The following KCND3 variants were observed in gnomAD, a reference collection of about 807,000 sequenced individuals.
The protein encoded by KCND3 is A-type voltage-gated potassium channel KCND3.
Under a neutral mutation model 51.1 loss-of-function variants are expected in KCND3, and 9 were observed. That is an observed-to-expected ratio of 0.18 (90% CI 0.11 to 0.31). The LOEUF is 0.31. Ranked by LOEUF, KCND3 falls within the 10% of genes least tolerant of loss-of-function variation. The probability of loss-of-function intolerance (pLI) is 1.00; values close to 1 mark genes in which losing one functional copy is unlikely to be tolerated. For synonymous variants in KCND3, 349 were observed against 368.0 expected (o/e 0.95, Z 0.59); for missense variants, 526 against 903.8 (o/e 0.58, Z 5.36).
intron 2 of KCND3, among the ~76,000 whole-genome samples, chr1:111,853,552 C>T (rs1667917818): frequency 1.3e-5 from 2 of 152,164 alleles, no homozygotes; most frequent in African/African-American, 2.4e-5. Context: ...ATCACAAAGC[C>T]CACCCCGGCA....
At chr1:111,930,607 C>CT (rs1671920140) in intron 2 of KCND3, among the ~76,000 whole-genome samples, 1 of 97,652 alleles carries the variant, frequency 1.0e-5, no homozygotes, top group Non-Finnish European at 2.4e-5. Flanking sequence ...GGTGCCACCC[C>CT]CAACCCCCTT....
chr1:111,936,913 T>C (rs558215444), intron 2 of KCND3, among the ~76,000 whole-genome samples: 1 of 152,334 alleles, frequency 6.6e-6, no homozygotes, highest in East Asian at 1.9e-4. Context: ...TTGAATGAAA[T>C]GGCTAATGAA....
chr1:111,824,925 G>A (rs1162591127), intron 2 of KCND3, among the ~76,000 whole-genome samples: 1 of 152,166 alleles, frequency 6.6e-6, no homozygotes, highest in Non-Finnish European at 1.5e-5. Context: ...TTGCAGCCCT[G>A]AATAAAGCCT....
chr1:111,789,896 T>TGGTGTGGATAGC (rs1553237674), intron 2 of KCND3, among the ~76,000 whole-genome samples: 1 of 152,154 alleles, frequency 6.6e-6, no homozygotes, highest in Non-Finnish European at 1.5e-5. Flanking sequence ...TGGAGGAGTG[T>TGGTGTGGATAGC]GGTGTGGATA....
intron 2 of KCND3, among the ~76,000 whole-genome samples, chr1:111,934,671 G>A (rs1319862695): frequency 2.0e-5 from 3 of 152,216 alleles, no homozygotes; most frequent in African/African-American, 7.2e-5. Context: ...GTGCATGTGT[G>A]TGCGTACTCT....
chr1:111,831,158 G>A (rs936770498), intron 2 of KCND3, among the ~76,000 whole-genome samples: 9 of 151,732 alleles, frequency 5.9e-5, no homozygotes, highest in Non-Finnish European at 1.3e-4. Flanking sequence ...AATTGATGAA[G>A]GTAAGACTCT....
chr1:111,970,281 C>A (rs1227727429), intron 2 of KCND3, among the ~76,000 whole-genome samples: 2 of 152,058 alleles, frequency 1.3e-5, no homozygotes, highest in Admixed American at 1.3e-4. Context: ...CCTCCCAATC[C>A]TTCTCATTTT....
intron 2 of KCND3, among the ~76,000 whole-genome samples, chr1:111,917,480 G>A (rs146979064): frequency 9.2e-5 from 14 of 152,264 alleles, no homozygotes; most frequent in Middle Eastern, 6.8e-3. Flanking sequence ...ATTACAGAAC[G>A]GAACTGAGAT....
chr1:111,781,099 G>C (rs1664363856), intron 3 of KCND3, among the ~76,000 whole-genome samples: 1 of 152,176 alleles, frequency 6.6e-6, no homozygotes, highest in African/African-American at 2.4e-5. Flanking sequence ...AAAATGCCAT[G>C]TGCTATTCAG....
chr1:111,793,857 A>G (rs1664946474), intron 2 of KCND3, among the ~76,000 whole-genome samples: 1 of 152,188 alleles, frequency 6.6e-6, no homozygotes, highest in Admixed American at 6.5e-5. Context: ...TTAAACCCAA[A>G]GCGTTATTTC....
At chr1:111,925,120 C>A (rs148078202) in intron 2 of KCND3, among the ~76,000 whole-genome samples, 31 of 152,366 alleles carry the variant, frequency 2.0e-4, no homozygotes, top group Middle Eastern at 3.4e-3. Flanking sequence ...AAAGAAGAAG[C>A]TGGCTGGCCT....
At chr1:111,925,778 G>T (rs896870866) in intron 2 of KCND3, among the ~76,000 whole-genome samples, 1 of 152,102 alleles carries the variant, frequency 6.6e-6, no homozygotes, top group African/African-American at 2.4e-5. Flanking sequence ...GAAAGCTGGG[G>T]TGTGGTGGTT....
intron 2 of KCND3, among the ~76,000 whole-genome samples, chr1:111,952,393 A>G (rs1673102639): frequency 1.3e-5 from 2 of 152,328 alleles, no homozygotes; most frequent in Admixed American, 1.3e-4. Context: ...AGGGTCTAGG[A>G]AAATGAAAAG....
intron 2 of KCND3, among the ~76,000 whole-genome samples, chr1:111,857,637 G>C (rs1370496305): frequency 7.3e-5 from 11 of 151,392 alleles, no homozygotes; most frequent in African/African-American, 2.4e-4. Flanking sequence ...TCTCCTCTCT[G>C]TTCCTGTTAG....
At chr1:111,781,572 T>A (rs2101474243) in intron 3 of KCND3, among the ~76,000 whole-genome samples, 1 of 152,336 alleles carries the variant, frequency 6.6e-6, no homozygotes, top group Non-Finnish European at 1.5e-5. Flanking sequence ...CAGGCTGGTG[T>A]GCAGTAGCGT....
chr1:111,835,808 G>A (rs916219125), intron 2 of KCND3, among the ~76,000 whole-genome samples: 6 of 152,102 alleles, frequency 3.9e-5, no homozygotes, highest in Non-Finnish European at 5.9e-5. Context: ...ATATTTAGTC[G>A]AGCAGTCCAT....
At chr1:111,950,074 C>T (rs1161451448) in intron 2 of KCND3, among the ~76,000 whole-genome samples, 1 of 152,132 alleles carries the variant, frequency 6.6e-6, no homozygotes, top group Non-Finnish European at 1.5e-5. Context: ...CCATACCTGG[C>T]TCATTTTTGT....
chr1:111,941,310 G>A (rs1020244772), intron 2 of KCND3, among the ~76,000 whole-genome samples: 3 of 152,168 alleles, frequency 2.0e-5, no homozygotes, highest in South Asian at 2.1e-4. Context: ...TCTGCTGGTG[G>A]GACCCCCTTG....
chr1:111,827,699 C>A (rs183896799), intron 2 of KCND3, among the ~76,000 whole-genome samples: 30 of 152,324 alleles, frequency 2.0e-4, no homozygotes, highest in Admixed American at 2.6e-4. Flanking sequence ...GGTTACACAT[C>A]TCCAACTGGC....
Sources: allele counts gnomAD v4.1 joint callset (sites outside exome capture counted in the v4.1 genomes callset), GRCh38; gene constraint gnomAD v4.1.1; transcripts MANE v1.5; gene names NCBI Gene and HGNC (gene_info 2026-07-23, HGNC 2026-07-21).